Variants in TMEM178B observed in about 807,000 individuals in gnomAD.
TMEM178B encodes the protein transmembrane protein 178B.
A neutral mutation model predicts 31.0 loss-of-function variants in TMEM178B; 5 were observed. That is an observed-to-expected ratio of 0.16 (90% CI 0.08 to 0.34). TMEM178B has a LOEUF of 0.34. TMEM178B is among the 10% of genes least tolerant of loss of function. The pLI, the probability that TMEM178B is intolerant of heterozygous loss-of-function variation, is 1.00. For missense variants in TMEM178B, 275 were observed against 400.3 expected (o/e 0.69, Z 2.67); for synonymous variants, 164 against 164.0 (o/e 1.00, Z 0.00).
intron 2 of TMEM178B, among the ~76,000 whole-genome samples, chr7:141,433,277 C>A (rs1237256794): frequency 1.3e-5 from 2 of 152,180 alleles, no homozygotes; most frequent in African/African-American, 2.4e-5. Context: ...TCCACCAAAT[C>A]CCTGTTTTAT....
Position 141,267,349 on chromosome 7 carries a change from GT to G in TMEM178B, c.496+54652del, listed in dbSNP as rs532863461. Reference sequence around the variant, plus strand: ...GAGTCCTACCTAGAGTACAGCTTTTGTTTTTTTAGAGAGAACTGAAAAGAGA... The same window carrying G: ...GAGTCCTACCTAGAGTACAGCTTTTGTTTTTTAGAGAGAACTGAAAAGAGA... On this transcript the variant is annotated intron_variant, in intron 2 of 3. Coordinates refer to ENST00000565468, the MANE Select transcript of TMEM178B (RefSeq NM_001195278.2). 7.1e-4 allele frequency among the ~76,000 whole-genome samples: 108 copies of G among 152,278 alleles called. 4 individuals carry two copies. In the South Asian group the frequency reaches 0.022, roughly 31 times the overall value.
intron 1 of TMEM178B, among the ~76,000 whole-genome samples, chr7:141,133,455 T>C (rs529035241): frequency 7.5e-4 from 114 of 152,078 alleles, no homozygotes; most frequent in African/African-American, 2.6e-3. Flanking sequence ...AAAAATACAA[T>C]TGAGAGCTTC....
At chr7:141,484,032 A>T (rs1286797190), downstream of TMEM178B, among the ~76,000 whole-genome samples, 1 of 152,152 alleles carries the variant, frequency 6.6e-6, no homozygotes, top group Non-Finnish European at 1.5e-5. The surrounding 1 kb of genome is among the most constrained non-coding windows in gnomAD (Gnocchi z 4.8). Context: ...CACCATGCCC[A>T]GCCTAAGAAG....
chr7:141,174,911 C>T (rs1003122718), intron 1 of TMEM178B, among the ~76,000 whole-genome samples: 1 of 152,086 alleles, frequency 6.6e-6, no homozygotes, highest in East Asian at 1.9e-4. Context: ...TTCTGTAGGT[C>T]ACCTGTTCAC....
At chr7:141,289,848 A>G (rs902105215) in intron 2 of TMEM178B, among the ~76,000 whole-genome samples, 5 of 152,096 alleles carry the variant, frequency 3.3e-5, no homozygotes, top group African/African-American at 7.2e-5. Context: ...AAATGGAACA[A>G]AGTTGGCCAG....
chr7:141,399,488 G>A (rs1337303318), intron 2 of TMEM178B, among the ~76,000 whole-genome samples: 1 of 152,188 alleles, frequency 6.6e-6, no homozygotes, highest in Non-Finnish European at 1.5e-5. Flanking sequence ...TAACATTCCA[G>A]TATAGTAGAA....
intron 1 of TMEM178B, among the ~76,000 whole-genome samples, chr7:141,187,993 T>C (rs1355189201): frequency 1.3e-5 from 2 of 152,192 alleles, no homozygotes; most frequent in Non-Finnish European, 2.9e-5. Flanking sequence ...TTGCTTTTGG[T>C]GTTTTAGACA....
chr7:141,493,549 A>T, the TMEM178B span, among the ~76,000 whole-genome samples: 1 of 152,120 alleles, frequency 6.6e-6, no homozygotes, highest in Non-Finnish European at 1.5e-5. Flanking sequence ...GTCCAGGAAG[A>T]TCTTCTCAAT....
intron 2 of TMEM178B, among the ~76,000 whole-genome samples, chr7:141,332,988 A>G (rs1799322845): frequency 6.6e-6 from 1 of 152,146 alleles, no homozygotes; most frequent in African/African-American, 2.4e-5. Flanking sequence ...GAGTTGGCCC[A>G]TCCATTTGGA....
chr7:141,384,217 G>C (rs1800387549), intron 2 of TMEM178B, among the ~76,000 whole-genome samples: 1 of 152,130 alleles, frequency 6.6e-6, no homozygotes, highest in Non-Finnish European at 1.5e-5. Context: ...AAGCTCTTTA[G>C]TTTAATTAGA....
At chr7:141,101,341 A>G (rs1427790439) in intron 1 of TMEM178B, among the ~76,000 whole-genome samples, 4 of 152,244 alleles carry the variant, frequency 2.6e-5, no homozygotes, top group African/African-American at 7.2e-5. Flanking sequence ...AAAAACTGGA[A>G]TAATAGATTT....
intron 1 of TMEM178B, among the ~76,000 whole-genome samples, chr7:141,080,380 G>T (rs2129170752): frequency 6.6e-6 from 1 of 152,244 alleles, no homozygotes; most frequent in African/African-American, 2.4e-5. Context: ...CAGAATTTTG[G>T]GAGGCTGAGG....
chr7:141,171,933 C>A lies in TMEM178B; in HGVS notation c.383-40658C>A, dbSNP rs190242803. ...GGAGCCTCTACACATTAATTCTCAA[C>A]AGGTAATTGTTGAGTACCTATTGTG... On this transcript the variant is annotated intron_variant, in intron 1 of 3. Coordinates refer to ENST00000565468, the MANE Select transcript of TMEM178B (RefSeq NM_001195278.2). The surrounding 1 kb of genome is among the most constrained non-coding windows in gnomAD (Gnocchi z 4.3). Among the ~76,000 whole-genome samples, 1 of 152,206 alleles carries A rather than the reference C, an allele frequency of 6.6e-6. No individual in the cohort carries two copies. Among genetic ancestry groups the A allele is most frequent in the Non-Finnish European group, 1.5e-5 (1 of 68,032 alleles).
At chr7:141,361,373 C>A (rs944855045) in intron 2 of TMEM178B, among the ~76,000 whole-genome samples, 3 of 151,986 alleles carry the variant, frequency 2.0e-5, no homozygotes, top group Non-Finnish European at 2.9e-5. Flanking sequence ...AAAAAAAAAT[C>A]TTTGAAATGG....
intron 2 of TMEM178B, among the ~76,000 whole-genome samples, chr7:141,312,863 T>C (rs904125866): frequency 1.3e-5 from 2 of 152,240 alleles, no homozygotes; most frequent in African/African-American, 2.4e-5. Flanking sequence ...TTATTGTATG[T>C]TTTTAATTAA....
chr7:141,159,371 G>A (rs183280273), intron 1 of TMEM178B, among the ~76,000 whole-genome samples: 288 of 152,194 alleles, frequency 1.9e-3, no homozygotes, highest in Non-Finnish European at 3.2e-3. Context: ...CCAGCTCCTC[G>A]CTCTGGAAAA....
the TMEM178B span, among the ~76,000 whole-genome samples, chr7:141,505,728 C>T: frequency 6.6e-6 from 1 of 152,140 alleles, no homozygotes; most frequent in Admixed American, 6.5e-5. Flanking sequence ...TATTTCTGGC[C>T]CTGATGAGGA....
intron 1 of TMEM178B, among the ~76,000 whole-genome samples, chr7:141,152,289 G>A (rs945108661): frequency 3.3e-5 from 5 of 152,176 alleles, no homozygotes; most frequent in African/African-American, 4.8e-5. Flanking sequence ...CTCCAGCCCA[G>A]CGTGGGTTGC....
At chr7:141,341,348 G>A (rs919142600) in intron 2 of TMEM178B, among the ~76,000 whole-genome samples, 1 of 152,206 alleles carries the variant, frequency 6.6e-6, no homozygotes, top group African/African-American at 2.4e-5. Context: ...AGCCGGGAAG[G>A]TGTGGGGAGG....
Sources: allele counts gnomAD v4.1 joint callset (sites outside exome capture counted in the v4.1 genomes callset), GRCh38; gene constraint gnomAD v4.1.1; non-coding constraint Gnocchi (gnomAD v3.1); transcripts MANE v1.5; gene names NCBI Gene and HGNC (gene_info 2026-07-23, HGNC 2026-07-21).